DAB1: variants seen among roughly 807,000 people sequenced by gnomAD.
The protein encoded by DAB1 is disabled homolog 1.
DAB1 carries 15 observed loss-of-function variants against 64.6 expected under a neutral mutation model. The ratio of observed to expected loss-of-function variants is 0.23; its 90% CI spans 0.16 to 0.36. The LOEUF is 0.36. Ranked by LOEUF, DAB1 falls within the 10% of genes least tolerant of loss-of-function variation. DAB1 has a pLI of 1.00. For missense variants in DAB1, 596 were observed against 706.7 expected, an observed-to-expected ratio of 0.84 and a Z score of 1.78; for synonymous variants, 235 against 251.9, an observed-to-expected ratio of 0.93 and a Z score of 0.64.
chr1:57,015,130 T>G lies in DAB1; in HGVS notation c.1197A>C (p.Ser399=). ...GCCTGGGCTTGTCGGTCTGTGGACT[T>G]GACCTGGTGGAGTCACTCGTGCCTG... ...TVPGTSDSTR[S]SPQTDKPRQK... is the part of the protein sequence containing the mutation. The change falls in exon 12 of 15, where the codon TCA becomes TCC. Residue 399 remains serine, a synonymous_variant. Transcript: ENST00000371236. 6.2e-7 allele frequency: 1 copy of G among 1,614,200 alleles called. No individual in the cohort carries two copies. Among genetic ancestry groups the G allele is most frequent in the Non-Finnish European group, 8.5e-7 (1 of 1,180,032 alleles).
intron 7 of DAB1, among the ~76,000 whole-genome samples, chr1:57,484,244 C>A (rs1644061720): frequency 6.6e-6 from 1 of 152,108 alleles, no homozygotes; most frequent in Non-Finnish European, 1.5e-5. Context: ...GCCTTGGGGG[C>A]CACATCAGTC....
intron 5 of DAB1, among the ~76,000 whole-genome samples, chr1:58,003,591 T>C (rs188064487): frequency 4.1e-4 from 63 of 152,320 alleles, no homozygotes; most frequent in African/African-American, 1.5e-3. Flanking sequence ...GTTCTGCTCT[T>C]TGTGTGCTGA....
intron 5 of DAB1, among the ~76,000 whole-genome samples, chr1:58,132,627 G>A (rs1343979340): frequency 6.6e-6 from 1 of 152,170 alleles, no homozygotes; most frequent in African/African-American, 2.4e-5. Context: ...GGAGCTGAAG[G>A]AGCATCTCAC....
intron 1 of DAB1, among the ~76,000 whole-genome samples, chr1:57,396,344 T>A (rs968714150): frequency 6.6e-6 from 1 of 152,238 alleles, no homozygotes; most frequent in Non-Finnish European, 1.5e-5. Flanking sequence ...AGGTGTCAGA[T>A]CGTCTGAATC....
At chr1:57,958,876 A>G (rs573245760) in intron 5 of DAB1, among the ~76,000 whole-genome samples, 1 of 152,198 alleles carries the variant, frequency 6.6e-6, no homozygotes, top group East Asian at 1.9e-4. Context: ...TAAATTAGAG[A>G]CGATTCTAAT....
At chr1:58,167,644 C>T (rs1655933241) in intron 4 of DAB1, among the ~76,000 whole-genome samples, 1 of 152,226 alleles carries the variant, frequency 6.6e-6, no homozygotes, top group Non-Finnish European at 1.5e-5. Flanking sequence ...TGCTGCTGCT[C>T]ACTCTTTGGG....
intron 6 of DAB1, among the ~76,000 whole-genome samples, chr1:57,750,177 A>G (rs1648489833): frequency 6.6e-6 from 1 of 152,172 alleles, no homozygotes; most frequent in African/African-American, 2.4e-5. Context: ...AAAGCTCTCA[A>G]TTAACACATA....
chr1:57,734,669 T>A (rs1252382658), intron 6 of DAB1, among the ~76,000 whole-genome samples: 2 of 152,242 alleles, frequency 1.3e-5, no homozygotes, highest in Non-Finnish European at 2.9e-5. Context: ...CCTAGGAGTG[T>A]TATCAGATCA....
rs75028417 is a variant in DAB1, at chr1:57,240,148, T to C, written c.67+50816A>G. On this transcript the variant is annotated intron_variant, in intron 2 of 14. Transcript: ENST00000371236. The stretch of plus-strand genomic sequence containing the variant: ...TCATTAAGGAACAATATATTACTAT[T>C]TGCTGAGCATTTCCTAAATCCTCCA... Among the ~76,000 whole-genome samples the C allele has an allele frequency of 1.1e-4, 16 of 152,330 alleles. No individual in the cohort carries two copies. In the South Asian group the frequency reaches 1.2e-3, roughly 12 times the overall value.
intron 4 of DAB1, among the ~76,000 whole-genome samples, chr1:58,257,546 C>T (rs1158001333): frequency 6.6e-6 from 1 of 152,198 alleles, no homozygotes; most frequent in East Asian, 1.9e-4. Context: ...GAGGGCACAG[C>T]ATGTGCTAAG....
intron 14 of DAB1, among the ~76,000 whole-genome samples, chr1:56,999,504 G>T (rs1645763257): frequency 6.6e-6 from 1 of 152,084 alleles, no homozygotes; most frequent in Non-Finnish European, 1.5e-5. Flanking sequence ...TAGTCCTGAG[G>T]GTGGCTTTTA....
At chr1:57,014,754 GTAATAA>G in intron 12 of DAB1, 123 bp downstream of exon 12, 2 of 663,538 alleles carry the variant, frequency 3.0e-6, no homozygotes, top group Non-Finnish European at 4.8e-6. Flanking sequence ...AGTATTACTA[GTAATAA>G]TAATATAAAC....
chr1:57,469,248 G>T (rs1336855247), intron 7 of DAB1, among the ~76,000 whole-genome samples: 1 of 152,110 alleles, frequency 6.6e-6, no homozygotes, highest in African/African-American at 2.4e-5. Flanking sequence ...TGAAATTTAA[G>T]GAAACAATTA....
chr1:58,489,117 C>T (rs1399630252), intron 3 of DAB1, among the ~76,000 whole-genome samples: 1 of 152,266 alleles, frequency 6.6e-6, no homozygotes, highest in East Asian at 1.9e-4. Context: ...GTGCAGCGCA[C>T]CGAGCGTGAG....
At chr1:57,521,405 G>A (rs1332315376) in intron 7 of DAB1, among the ~76,000 whole-genome samples, 1 of 152,102 alleles carries the variant, frequency 6.6e-6, no homozygotes, top group East Asian at 1.9e-4. Context: ...GGCAGTTGCT[G>A]ATGAATCTTG....
intron 4 of DAB1, among the ~76,000 whole-genome samples, chr1:58,304,054 AG>A (rs1473557216): frequency 6.6e-6 from 1 of 152,158 alleles, no homozygotes; most frequent in Non-Finnish European, 1.5e-5. Flanking sequence ...AGACTTGCCC[AG>A]GGTGAGTAGC....
rs187968869 is a variant in DAB1, at chr1:58,096,021, G to C, written n.387+54490C>G. Among the ~76,000 whole-genome samples, 252 of 152,296 alleles carry C rather than the reference G, an allele frequency of 1.7e-3. 1 individual carries two copies. The highest frequency in any genetic ancestry group is 5.9e-3 in the African/African-American group (245 of 41,568). ...GGGGGCTCTACCCAGATTCAGCTGT[G>C]GGGTGATTGGGTGTATTTGCGACCC... On this transcript the variant is annotated intron_variant and non_coding_transcript_variant, in intron 5 of 20. Transcript: ENST00000485760.
rs192972191 is a variant in DAB1 at position 57,591,904 on chromosome 1, A to C, written n.625+57688T>G. 2.5e-3 allele frequency among the ~76,000 whole-genome samples: 382 copies of C among 152,324 alleles called. 1 individual carries two copies. The highest frequency in any genetic ancestry group is 0.01 in the Middle Eastern group (3 of 294). On this transcript the variant is annotated intron_variant and non_coding_transcript_variant, in intron 7 of 20. Transcript: ENST00000485760. ...CTTTAGAGAATCCTGGGAAGGAAGA[A>C]AACTAATAAGTTATTTCATCTAATA...
intron 4 of DAB1, among the ~76,000 whole-genome samples, chr1:57,121,753 G>T (rs891849646): frequency 6.6e-6 from 1 of 152,026 alleles, no homozygotes; most frequent in South Asian, 2.1e-4. Flanking sequence ...TAAGGAAGGG[G>T]TCCAGTTTCA....
Sources: gnomAD v4.1 joint callset for allele counts (sites outside exome capture counted in the v4.1 genomes callset) on GRCh38, gnomAD v4.1.1 for gene constraint, MANE v1.5 for transcripts, NCBI Gene and HGNC (gene_info 2026-07-23, HGNC 2026-07-21) for gene names.